The following NFKB1 variants were observed in gnomAD, a reference collection of about 807,000 sequenced individuals.
NFKB1 encodes nuclear factor kappa B subunit 1, also known as nuclear factor NF-kappa-B p105 subunit.
A neutral mutation model predicts 105.1 loss-of-function variants in NFKB1; 9 were observed. The ratio of observed to expected loss-of-function variants is 0.09; its 90% confidence interval spans 0.05 to 0.15. NFKB1 has a LOEUF of 0.15. NFKB1 is among the 10% of genes least tolerant of loss of function. The pLI is 1.00. For synonymous variants in NFKB1, 440 were observed against 442.2 expected (o/e 1.00, Z 0.06); for missense variants, 830 against 1,203.7 (o/e 0.69, Z 4.59).
intron 14 of NFKB1, 76 bp downstream of exon 14, chr4:102,596,408 A>C: frequency 8.6e-7 from 1 of 1,169,470 alleles, no homozygotes; most frequent in East Asian, 2.5e-5. Flanking sequence ...GATATCTGCT[A>C]ATCTAAAGAT....
At chr4:102,596,411 C>T in intron 14 of NFKB1, 79 bp downstream of exon 14, 1 of 1,151,552 alleles carries the variant, frequency 8.7e-7, no homozygotes, top group Admixed American at 2.7e-5. Flanking sequence ...ATCTGCTAAT[C>T]TAAAGATGAT....
chr4:102,535,367 T>A (rs1020082185), intron 4 of NFKB1, among the ~76,000 whole-genome samples: 3 of 152,206 alleles, frequency 2.0e-5, no homozygotes, highest in Non-Finnish European at 4.4e-5. Flanking sequence ...AAGGAAAAAT[T>A]GGCATTTATG....
intron 5 of NFKB1, among the ~76,000 whole-genome samples, chr4:102,549,059 A>G (rs944232582): frequency 1.3e-5 from 2 of 152,116 alleles, no homozygotes; most frequent in Admixed American, 6.6e-5. Flanking sequence ...TGCCCATTTC[A>G]GCCTGATAAT....
chr4:102,606,554 G>A lies in NFKB1; in HGVS notation c.1811G>A (p.Arg604Lys). The A allele has an allele frequency of 6.2e-7, 1 of 1,614,194 alleles. No individual in the cohort carries two copies. Among genetic ancestry groups the A allele is most frequent in the Non-Finnish European group, 8.5e-7 (1 of 1,180,040 alleles). ...KQEDVVEDLLRAGADLSLLDR... is the reference protein window; with the variant it reads ...KQEDVVEDLLKAGADLSLLDR... ...GAAGATGTGGTGGAGGATTTGCTGA[G>A]GGCTGGGGCCGACCTGAGCCTTCTG... Residue 604 changes from arginine to lysine, a missense_variant, in exon 17 of 24, where the codon AGG becomes AAG. Around this residue, in one of 8 missense-constraint regions of NFKB1, gnomAD observed 418 missense variants for 575.3 expected, o/e 0.73. Transcript: ENST00000226574.
intron 11 of NFKB1, among the ~76,000 whole-genome samples, chr4:102,593,095 T>C (rs1021660498): frequency 2.0e-5 from 3 of 152,048 alleles, no homozygotes; most frequent in Non-Finnish European, 4.4e-5. Context: ...AGCAAAAGGG[T>C]CAATAATTTT....
At chr4:102,511,479 A>G (rs1276676743) in intron 1 of NFKB1, among the ~76,000 whole-genome samples, 1 of 152,154 alleles carries the variant, frequency 6.6e-6, no homozygotes. Context: ...ATTTGAGACC[A>G]GCATGGACAA....
chr4:102,515,900 ACTT>A (rs1383420100), intron 1 of NFKB1, among the ~76,000 whole-genome samples: 11 of 152,288 alleles, frequency 7.2e-5, no homozygotes, highest in East Asian at 3.9e-4. Flanking sequence ...AGCATGAAGA[ACTT>A]CTTTTTAGCA....
rs779946967 is a variant in NFKB1, at chr4:102,594,989, A to G, written c.1300+8A>G. 8.5e-5 allele frequency: 135 copies of G among 1,586,966 alleles called. No homozygotes were observed. The highest frequency in any genetic ancestry group is 1.1e-4 in the Non-Finnish European group (130 of 1,157,836). On this transcript the variant is annotated splice_region_variant and intron_variant, in intron 13 of 23. Coordinates refer to ENST00000226574, the MANE Select transcript of NFKB1 (RefSeq NM_003998.4). ...ATGCTGGGATGAAGCATGGTAAGTA[A>G]TGCTTTGTTCTTAATACCAAGAAAG... is the stretch of plus-strand genomic sequence containing the variant.
At chr4:102,608,356 A>G (rs1263277632) in intron 19 of NFKB1, among the ~76,000 whole-genome samples, 3 of 152,178 alleles carry the variant, frequency 2.0e-5, no homozygotes, top group Non-Finnish European at 4.4e-5. Context: ...TCTTAGAGTC[A>G]AGGAAACAGA....
chr4:102,557,531 G>A (rs565708206), intron 5 of NFKB1, among the ~76,000 whole-genome samples: 2 of 152,222 alleles, frequency 1.3e-5, no homozygotes, highest in Admixed American at 6.6e-5. Flanking sequence ...GTCCTGTGGG[G>A]TAGTTGTTCC....
chr4:102,564,853 G>A (rs1356906920), intron 5 of NFKB1, among the ~76,000 whole-genome samples: 2 of 152,136 alleles, frequency 1.3e-5, no homozygotes, highest in Non-Finnish European at 2.9e-5. Context: ...GCATTCCTGT[G>A]CTGGTGTCAC....
chr4:102,521,127 C>G (rs1165785291), intron 1 of NFKB1, among the ~76,000 whole-genome samples: 1 of 152,032 alleles, frequency 6.6e-6, no homozygotes, highest in Non-Finnish European at 1.5e-5. Context: ...AGATTATTTC[C>G]AGTTCCTTGC....
In NFKB1 at chr4:102,501,622, A is replaced by AATGGC. The variant is rs1553925761; in HGVS notation, c.-174_-173insATGGC. ...GCGCTGCGGCCATGGCGCGGCGCTG[A>AATGGC]CTGGCCTGGCCCGGCCCCGCCGCGC... On this transcript the variant is annotated 5_prime_UTR_variant, in exon 1 of 24. It adds an upstream start codon to the 5' untranslated region. Coordinates refer to ENST00000226574, the MANE Select transcript of NFKB1 (RefSeq NM_003998.4). 1 of 148,426 alleles carries AATGGC rather than the reference A, an allele frequency of 6.7e-6. No individual in the cohort carries two copies. Among genetic ancestry groups the AATGGC allele is most frequent in the African/African-American group, 2.4e-5 (1 of 40,988 alleles). The allele number at this position is 148,426 out of a possible 1,614,324, so 9.2% of individuals were successfully genotyped here.
chr4:102,513,821 T>TA (rs1472766148), intron 1 of NFKB1, among the ~76,000 whole-genome samples: 1 of 152,164 alleles, frequency 6.6e-6, no homozygotes, highest in Non-Finnish European at 1.5e-5. Flanking sequence ...TATTGAGACT[T>TA]ACTTTATGGC....
At chr4:102,585,143 G>A (rs1445917776) in intron 11 of NFKB1, among the ~76,000 whole-genome samples, 1 of 151,988 alleles carries the variant, frequency 6.6e-6, no homozygotes, top group East Asian at 1.9e-4. Flanking sequence ...TCCGGCCTTG[G>A]CCTCCCAAAG....
rs776055694 is a variant in NFKB1 at position 102,567,123 on chromosome 4, A to C, written c.395A>C (p.Asp132Ala). Residue 132 changes from aspartate (D) to alanine (A), a missense_variant, in exon 6 of 24, where the codon GAC (aspartate) becomes GCC (alanine). This residue lies in a region of NFKB1 where 64 missense variants were observed against 79.9 expected (regional missense o/e 0.80). Coordinates refer to ENST00000226574, the MANE Select transcript of NFKB1 (RefSeq NM_003998.4). The part of the protein sequence containing the change: ...GICTVTAGPK[D>A]MVVGFANLGI... ...TGCACTGTAACTGCTGGACCCAAGG[A>C]CATGGTGGTCGGGTAAGTAGGGGTA... 1 of 1,613,732 alleles carries C rather than the reference A, an allele frequency of 6.2e-7. No individual in the cohort carries two copies. The highest frequency in any genetic ancestry group is 8.5e-7 in the Non-Finnish European group (1 of 1,179,668).
intron 23 of NFKB1, among the ~76,000 whole-genome samples, chr4:102,614,268 T>G (rs1178468585): frequency 6.6e-6 from 1 of 152,166 alleles, no homozygotes; most frequent in East Asian, 1.9e-4. Context: ...TAAATTTCTT[T>G]GCCCAGCTGA....
At chr4:102,547,352 C>T (rs1024605059) in intron 5 of NFKB1, among the ~76,000 whole-genome samples, 1 of 152,118 alleles carries the variant, frequency 6.6e-6, no homozygotes, top group Non-Finnish European at 1.5e-5. Flanking sequence ...AGTTGAAGTC[C>T]TAGAAAGAGG....
chr4:102,589,412 T>G (rs1052901950), intron 11 of NFKB1, among the ~76,000 whole-genome samples: 1 of 152,094 alleles, frequency 6.6e-6, no homozygotes, highest in African/African-American at 2.4e-5. Flanking sequence ...TCAAAGTTTC[T>G]CCACTTAAAG....
Sources: gnomAD v4.1 joint callset for allele counts (sites outside exome capture counted in the v4.1 genomes callset) on GRCh38, gnomAD v4.1.1 for gene constraint, gnomAD v4.1.1 regional missense constraint, MANE v1.5 for transcripts, NCBI Gene and HGNC (gene_info 2026-07-23, HGNC 2026-07-21) for gene names.